Variants in LRTM1 observed in about 807,000 individuals in gnomAD.
The protein encoded by LRTM1 is leucine-rich repeat and transmembrane domain-containing protein 1.
In LRTM1, 38 loss-of-function variants were observed where a neutral mutation model predicts 32.4. The ratio of observed to expected loss-of-function variants is 1.17; its 90% CI spans 0.91 to 1.54. The LOEUF (loss-of-function observed/expected upper bound fraction) is 1.54. LRTM1 is among the 40% of genes most tolerant of loss of function. The pLI is 0.00. For synonymous variants in LRTM1, 186 were observed against 169.9 expected (o/e 1.09, Z -0.74); for missense variants, 466 against 415.4 (o/e 1.12, Z -1.06).
At chr3:54,940,598 G>C (rs1701440800) in intron 1 of LRTM1, among the ~76,000 whole-genome samples, 1 of 152,118 alleles carries the variant, frequency 6.6e-6, no homozygotes, top group African/African-American at 2.4e-5. Context: ...CCTTGCTACA[G>C]GCTACTCCCA....
chr3:54,928,227 T>G (rs1701083890), upstream of LRTM1, among the ~76,000 whole-genome samples: 1 of 152,178 alleles, frequency 6.6e-6, no homozygotes, highest in Non-Finnish European at 1.5e-5. Flanking sequence ...ATGAGCCGCG[T>G]AAAGAATGTT....
Position 54,925,161 on chromosome 3 carries a change from C to A in LRTM1, c.62G>T (p.Cys21Phe). 1 of 1,614,094 alleles carries A rather than the reference C, an allele frequency of 6.2e-7. No individual in the cohort carries two copies. Among genetic ancestry groups the A allele is most frequent in the Admixed American group, 1.7e-5 (1 of 60,010 alleles). Residue 21 changes from cysteine to phenylalanine, a missense_variant, in exon 2 of 3, where the codon TGC (cysteine) becomes TTC (phenylalanine). By Grantham distance (205) the Cys-to-Phe change is radical. Coordinates refer to ENST00000273286, the MANE Select transcript of LRTM1 (RefSeq NM_020678.4). ...TGACTGACAGTAACACTTGTCCGGG[C>A]AGCTGCATACCACCTGGAGCAGGAC... Reference protein sequence around the residue: ...VIVLLQVVCSCPDKCYCQSST... With the variant: ...VIVLLQVVCSFPDKCYCQSST...
chr3:54,933,662 T>A (rs761942334), intron 1 of LRTM1, among the ~76,000 whole-genome samples: 5 of 152,218 alleles, frequency 3.3e-5, no homozygotes, highest in Non-Finnish European at 7.3e-5. Flanking sequence ...TCACTAGACA[T>A]TAAGTTTCAA....
rs143055169 is a variant in LRTM1, at chr3:54,927,872, G to A, written c.7+33C>T. ...GGGATACCATCTTTCTCCCAGACAAGAACTTTTCCAACGGGAATTGATCAG... is the reference window on the plus strand; with the variant it reads ...GGGATACCATCTTTCTCCCAGACAAAAACTTTTCCAACGGGAATTGATCAG... On this transcript the variant is annotated intron_variant, in intron 1 of 2. Coordinates refer to ENST00000273286, the MANE Select transcript of LRTM1 (RefSeq NM_020678.4). The A allele has an allele frequency of 5.4e-4, 872 of 1,612,776 alleles. 6 individuals carry two copies. In the African/African-American group the frequency reaches 0.01, roughly 19 times the overall value.
intron 1 of LRTM1, among the ~76,000 whole-genome samples, chr3:54,954,133 A>T (rs1701824406): frequency 6.6e-6 from 1 of 152,118 alleles, no homozygotes; most frequent in Non-Finnish European, 1.5e-5. Flanking sequence ...GGGTTATTTA[A>T]TCATGTCATC....
intron 1 of LRTM1, among the ~76,000 whole-genome samples, chr3:54,965,064 T>C (rs1702118216): frequency 6.6e-6 from 1 of 152,184 alleles, no homozygotes; most frequent in African/African-American, 2.4e-5. Context: ...ATACTTTTTC[T>C]GTAAAGGACC....
At chr3:54,943,808 G>C (rs937008075) in intron 1 of LRTM1, among the ~76,000 whole-genome samples, 3 of 152,064 alleles carry the variant, frequency 2.0e-5, no homozygotes, top group Non-Finnish European at 4.4e-5. Flanking sequence ...GGGCATGCAG[G>C]CACCTAAGAC....
At chr3:54,932,230 T>C (rs1339899404), upstream of LRTM1, among the ~76,000 whole-genome samples, 1 of 152,042 alleles carries the variant, frequency 6.6e-6, no homozygotes, top group Non-Finnish European at 1.5e-5. Flanking sequence ...AATATACCCA[T>C]CTGGGAGAAT....
chr3:54,923,997 C>T (rs1700936208), intron 2 of LRTM1, among the ~76,000 whole-genome samples: 1 of 152,150 alleles, frequency 6.6e-6, no homozygotes, highest in African/African-American at 2.4e-5. Context: ...GGGCTGTGGC[C>T]CTGGGGCTGT....
intron 1 of LRTM1, among the ~76,000 whole-genome samples, chr3:54,942,533 G>A (rs1160930441): frequency 6.6e-6 from 1 of 152,116 alleles, no homozygotes; most frequent in African/African-American, 2.4e-5. Context: ...TGGTTTTATA[G>A]CAAAGTAATA....
intron 2 of LRTM1, among the ~76,000 whole-genome samples, chr3:54,921,168 A>G (rs1445586224): frequency 6.7e-6 from 1 of 149,994 alleles, no homozygotes; most frequent in African/African-American, 2.5e-5. Flanking sequence ...ATTGTTCTCT[A>G]TCTGATCACT....
At chr3:54,937,198 TGAAA>T (rs1324772213) in intron 1 of LRTM1, among the ~76,000 whole-genome samples, 1 of 152,178 alleles carries the variant, frequency 6.6e-6, no homozygotes, top group Non-Finnish European at 1.5e-5. Flanking sequence ...TCTTTCTTGA[TGAAA>T]GAAGTATCTA....
At chr3:54,962,287 C>T (rs76548062) in intron 1 of LRTM1, among the ~76,000 whole-genome samples, 1,980 of 152,248 alleles carry the variant, frequency 0.013, 53 homozygotes, top group African/African-American at 0.044. Context: ...TAAGAGCCTG[C>T]TTGGCTGATA....
chr3:54,946,623 G>A (rs1471343504), intron 1 of LRTM1, among the ~76,000 whole-genome samples: 2 of 152,144 alleles, frequency 1.3e-5, no homozygotes, highest in Non-Finnish European at 2.9e-5. Context: ...GCCAAATAAT[G>A]ACAGGAGAGC....
chr3:54,939,568 A>C (rs1701411217), intron 1 of LRTM1, among the ~76,000 whole-genome samples: 1 of 152,308 alleles, frequency 6.6e-6, no homozygotes, highest in African/African-American at 2.4e-5. Context: ...GGATTGGGCA[A>C]AGTGTGCTGG....
chr3:54,944,975 T>C, intron 1 of LRTM1, among the ~76,000 whole-genome samples: 1 of 152,256 alleles, frequency 6.6e-6, no homozygotes, highest in Non-Finnish European at 1.5e-5. Flanking sequence ...AGATTGAAAG[T>C]TTCTCCACAA....
chr3:54,920,393 T>G (rs1575374698), intron 2 of LRTM1, among the ~76,000 whole-genome samples: 1 of 150,704 alleles, frequency 6.6e-6, no homozygotes, highest in South Asian at 2.1e-4. Flanking sequence ...TTGCCACTGC[T>G]TAAAACTGAA....
intron 2 of LRTM1, 103 bp from the exon 3 acceptor site, chr3:54,918,995 CTTT>C (rs3832225): frequency 3.5e-3 from 2,441 of 700,398 alleles, no homozygotes; most frequent in East Asian, 9.3e-3. Context: ...TATGAAGTAC[CTTT>C]TTTTTTTTTA....
At chr3:54,949,085 C>T (rs1381952049) in intron 1 of LRTM1, among the ~76,000 whole-genome samples, 2 of 152,190 alleles carry the variant, frequency 1.3e-5, no homozygotes, top group Non-Finnish European at 2.9e-5. Context: ...CCAGTGCCCC[C>T]AGTATTCATC....
Sources: gnomAD v4.1 joint callset for allele counts (sites outside exome capture counted in the v4.1 genomes callset) on GRCh38, gnomAD v4.1.1 for gene constraint, MANE v1.5 for transcripts, NCBI Gene and HGNC (gene_info 2026-07-23, HGNC 2026-07-21) for gene names.